The following RNLS variants were observed in gnomAD, a reference collection of about 807,000 sequenced individuals.
RNLS encodes the protein renalase, FAD dependent amine oxidase.
A neutral mutation model predicts 39.8 loss-of-function variants in RNLS; 39 were observed. The ratio of observed to expected loss-of-function variants is 0.98; its 90% CI spans 0.76 to 1.28. The LOEUF (loss-of-function observed/expected upper bound fraction) is 1.28, where lower values mean the gene tolerates loss of function less well. Ranked by LOEUF, RNLS falls within the 50% of genes most tolerant of loss-of-function variation. The pLI is 0.00. For synonymous variants in RNLS, 147 were observed against 150.7 expected (o/e 0.98, Z 0.18); for missense variants, 410 against 413.3 (o/e 0.99, Z 0.07).
chr10:88,318,507 G>A (rs1033573863), intron 5 of RNLS, among the ~76,000 whole-genome samples: 4 of 152,198 alleles, frequency 2.6e-5, no homozygotes, highest in Admixed American at 2.0e-4. Context: ...CACACTTTTT[G>A]TAGTGAATCC....
At chr10:88,523,829 T>G (rs1225932213) in intron 4 of RNLS, among the ~76,000 whole-genome samples, 6 of 152,086 alleles carry the variant, frequency 3.9e-5, no homozygotes, top group Non-Finnish European at 8.8e-5. Flanking sequence ...ATAAATTCAC[T>G]CCTTCCTCCC....
intron 5 of RNLS, among the ~76,000 whole-genome samples, chr10:88,333,020 T>G (rs1284814262): frequency 6.6e-6 from 1 of 152,210 alleles, no homozygotes; most frequent in Non-Finnish European, 1.5e-5. Flanking sequence ...AGTCTGAAAT[T>G]CTGTCTCCCT....
chr10:88,575,668 G>A (rs1369547306), intron 3 of RNLS, among the ~76,000 whole-genome samples: 1 of 152,042 alleles, frequency 6.6e-6, no homozygotes, highest in Non-Finnish European at 1.5e-5. Context: ...CAAAGACTAT[G>A]TGTTTAAATC....
chr10:88,367,851 C>T (rs1850246052), intron 4 of RNLS, among the ~76,000 whole-genome samples: 1 of 151,964 alleles, frequency 6.6e-6, no homozygotes, highest in African/African-American at 2.4e-5. Context: ...TTCTTTTGGG[C>T]TGTCTTTTTC....
chr10:88,405,214 T>C (rs960310797), intron 4 of RNLS, among the ~76,000 whole-genome samples: 18 of 152,054 alleles, frequency 1.2e-4, no homozygotes, highest in Admixed American at 3.3e-4. Context: ...GTAAAACTAA[T>C]TGGTTTGGTG....
chr10:88,537,469 G>A (rs989468046), intron 4 of RNLS, among the ~76,000 whole-genome samples: 3 of 152,168 alleles, frequency 2.0e-5, no homozygotes, highest in Non-Finnish European at 4.4e-5. Context: ...CCCACCAAGG[G>A]TGAAATGGAT....
chr10:88,250,836 A>T, the RNLS span, among the ~76,000 whole-genome samples: 3 of 152,238 alleles, frequency 2.0e-5, no homozygotes, highest in Non-Finnish European at 2.9e-5. Context: ...TCCTAGAAAT[A>T]TAATTCGTGA....
chr10:88,192,760 A>C, the RNLS span, among the ~76,000 whole-genome samples: 1 of 152,192 alleles, frequency 6.6e-6, no homozygotes, highest in East Asian at 1.9e-4. Flanking sequence ...ATCCAGAGGG[A>C]TATCTGTCAC....
chr10:88,348,577 T>G (rs1848469501), intron 5 of RNLS, among the ~76,000 whole-genome samples: 1 of 152,196 alleles, frequency 6.6e-6, no homozygotes, highest in African/African-American at 2.4e-5. Flanking sequence ...TAATTTGGAC[T>G]TGTTTATAGC....
At chr10:88,292,043 C>T (rs773809640) in intron 6 of RNLS, among the ~76,000 whole-genome samples, 1 of 152,002 alleles carries the variant, frequency 6.6e-6, no homozygotes, top group East Asian at 1.9e-4. Context: ...GAACTTTGAA[C>T]CAAGCACTAA....
At chr10:88,227,946 C>T in the RNLS span, among the ~76,000 whole-genome samples, 1 of 152,124 alleles carries the variant, frequency 6.6e-6, no homozygotes, top group Non-Finnish European at 1.5e-5. Context: ...GGAGGGTGGG[C>T]TTCCTCAACT....
chr10:88,214,347 G>A, the RNLS span, among the ~76,000 whole-genome samples: 1 of 152,012 alleles, frequency 6.6e-6, no homozygotes, highest in East Asian at 1.9e-4. Flanking sequence ...AGTCATTTGG[G>A]GAACTGCAAC....
chr10:88,466,324 T>G (rs1843203207), intron 4 of RNLS, among the ~76,000 whole-genome samples: 1 of 152,098 alleles, frequency 6.6e-6, no homozygotes, highest in African/African-American at 2.4e-5. Flanking sequence ...AGCTCACACC[T>G]GCAATCCCAG....
intron 4 of RNLS, among the ~76,000 whole-genome samples, chr10:88,450,860 T>C (rs1335217320): frequency 6.6e-6 from 1 of 152,106 alleles, no homozygotes; most frequent in Non-Finnish European, 1.5e-5. Context: ...GTTGTGAGTA[T>C]AAATAACAAC....
chr10:88,279,573 G>T (rs1353117437), downstream of RNLS, among the ~76,000 whole-genome samples: 3 of 127,588 alleles, frequency 2.4e-5, no homozygotes, highest in African/African-American at 9.1e-5. Context: ...TTAAAATGAA[G>T]GCCAGGGACA....
chr10:88,309,394 T>G (rs750393277), intron 6 of RNLS: 2 of 1,288,578 alleles, frequency 1.6e-6, no homozygotes, highest in South Asian at 2.5e-5. Flanking sequence ...CACCAGAAAT[T>G]AATCTCATGA....
At chr10:88,283,581 T>C (rs980327590), downstream of RNLS, among the ~76,000 whole-genome samples, 42 of 152,260 alleles carry the variant, frequency 2.8e-4, no homozygotes, top group African/African-American at 9.9e-4. Flanking sequence ...TGGTAGAATA[T>C]GGATAAAGAA....
At chr10:88,346,739 C>T (rs774248348) in intron 5 of RNLS, among the ~76,000 whole-genome samples, 1 of 152,134 alleles carries the variant, frequency 6.6e-6, no homozygotes. Context: ...ATACACATTC[C>T]TATTATGCCG....
chr10:88,175,341 T>A, the RNLS span, among the ~76,000 whole-genome samples: 1 of 152,148 alleles, frequency 6.6e-6, no homozygotes, highest in African/African-American at 2.4e-5. Context: ...ACTGTTAGGT[T>A]GTTTATTTGA....
Sources: allele counts gnomAD v4.1 joint callset (sites outside exome capture counted in the v4.1 genomes callset), GRCh38; gene constraint gnomAD v4.1.1; transcripts MANE v1.5; gene names NCBI Gene and HGNC (gene_info 2026-07-23, HGNC 2026-07-21).